Variants in PEBP4 observed in about 807,000 individuals in gnomAD.
PEBP4 encodes phosphatidylethanolamine-binding protein 4.
In PEBP4, 22 loss-of-function variants were observed where a neutral mutation model predicts 23.9. That is an observed-to-expected ratio of 0.92 (90% CI 0.66 to 1.31). The LOEUF (loss-of-function observed/expected upper bound fraction) is 1.31. Ranked by LOEUF, PEBP4 falls within the 40% of genes most tolerant of loss-of-function variation. PEBP4 has a pLI of 0.00. For synonymous variants in PEBP4, 112 were observed against 99.3 expected (o/e 1.13, Z -0.76); for missense variants, 324 against 281.7 (o/e 1.15, Z -1.07).
In PEBP4 at chr8:22,795,143, G is replaced by GTGTGTA. The variant is rs1268855798; in HGVS notation, c.357+22493_357+22494insTACACA. 5.4e-4 allele frequency among the ~76,000 whole-genome samples: 27 copies of GTGTGTA among 49,908 alleles called. 1 individual carries two copies. The highest frequency in any genetic ancestry group is 2.2e-3 in the African/African-American group (25 of 11,270). 32.7% of individuals were successfully genotyped at this position (49,908 alleles called of 152,430 possible). A position where few individuals can be genotyped will look rare whatever the true frequency, so the allele number is the denominator to read the frequency against. ...TATGTGTGTATATATATGTGTGTGTGTATATATATATATATATATATTTTT... is the reference window on the plus strand; with the variant it reads ...TATGTGTGTATATATATGTGTGTGTGTGTGTATATATATATATATATATATATTTTT... On this transcript the variant is annotated intron_variant, in intron 4 of 6. Transcript: ENST00000256404.
intron 6 of PEBP4, among the ~76,000 whole-genome samples, chr8:22,723,345 G>A (rs146107425): frequency 1.6e-4 from 25 of 152,238 alleles, no homozygotes; most frequent in East Asian, 3.9e-4. Context: ...GTAGGGAAGC[G>A]TCTTTGGTGT....
At chr8:22,730,400 G>C (rs150425881) in intron 4 of PEBP4, among the ~76,000 whole-genome samples, 4 of 152,220 alleles carry the variant, frequency 2.6e-5, no homozygotes, top group Non-Finnish European at 4.4e-5. Flanking sequence ...AATTATCTGG[G>C]CATGATGGCC....
At chr8:22,726,280 T>C (rs766582131) in intron 5 of PEBP4, among the ~76,000 whole-genome samples, 1 of 152,138 alleles carries the variant, frequency 6.6e-6, no homozygotes, top group East Asian at 1.9e-4. Flanking sequence ...TGCTTAGGTA[T>C]GGAGGGCAGA....
intron 4 of PEBP4, among the ~76,000 whole-genome samples, chr8:22,728,443 C>G (rs1423881940): frequency 6.6e-6 from 1 of 152,082 alleles, no homozygotes; most frequent in African/African-American, 2.4e-5. Context: ...TAGACCCTTC[C>G]CCCACGAGCC....
intron 3 of PEBP4, among the ~76,000 whole-genome samples, chr8:22,849,132 C>T (rs556699437): frequency 1.3e-5 from 2 of 152,156 alleles, no homozygotes; most frequent in Non-Finnish European, 2.9e-5. Flanking sequence ...GGTAAGGTCA[C>T]ATAATGAAAT....
chr8:22,776,487 G>A (rs1182957584), intron 4 of PEBP4, among the ~76,000 whole-genome samples: 2 of 151,904 alleles, frequency 1.3e-5, no homozygotes, highest in Admixed American at 6.6e-5. Flanking sequence ...TCCTGGTTAC[G>A]CCATCGGTCT....
intron 4 of PEBP4, among the ~76,000 whole-genome samples, chr8:22,779,437 C>T (rs1585268033): frequency 1.3e-5 from 2 of 152,044 alleles, no homozygotes; most frequent in South Asian, 2.1e-4. Context: ...TTTTTTATGG[C>T]GTCACGGAGG....
intron 3 of PEBP4, among the ~76,000 whole-genome samples, chr8:22,890,699 G>A (rs1228738974): frequency 1.3e-5 from 2 of 152,192 alleles, no homozygotes; most frequent in African/African-American, 2.4e-5. Context: ...CACAGAGTTT[G>A]GAATTAGACA....
chr8:22,915,423 C>A (rs1293069460), intron 3 of PEBP4, among the ~76,000 whole-genome samples: 1 of 150,896 alleles, frequency 6.6e-6, no homozygotes, highest in Non-Finnish European at 1.5e-5. Flanking sequence ...TCATCCCTCA[C>A]CTCACCATCC....
At chr8:22,903,145 C>T (rs764016306) in intron 3 of PEBP4, among the ~76,000 whole-genome samples, 11 of 152,088 alleles carry the variant, frequency 7.2e-5, no homozygotes, top group Non-Finnish European at 1.0e-4. Context: ...CCGGAAACCG[C>T]GAAATGTTGA....
intron 3 of PEBP4, among the ~76,000 whole-genome samples, chr8:22,874,677 CAA>C (rs1170739862): frequency 6.6e-6 from 1 of 152,148 alleles, no homozygotes; most frequent in Non-Finnish European, 1.5e-5. Context: ...TCAATTGTGG[CAA>C]AGTGCGACAA....
intron 3 of PEBP4, among the ~76,000 whole-genome samples, chr8:22,853,582 G>A (rs1807587643): frequency 6.6e-6 from 1 of 152,228 alleles, no homozygotes; most frequent in Non-Finnish European, 1.5e-5. Context: ...GGAATAGAGG[G>A]AACCAGGGCT....
At position 22,817,545 on chromosome 8, in the gene PEBP4, A is replaced by G. The variant is rs190118766; in HGVS notation, c.357+92T>C. On this transcript the variant is annotated intron_variant, in intron 4 of 6. Coordinates refer to ENST00000256404, the MANE Select transcript of PEBP4 (RefSeq NM_144962.3). ...ATGGGACACAGAAGTCCTCGCTCCA[A>G]CCTTCCTGGATGAGAGGTGGGAACT... is the stretch of plus-strand genomic sequence containing the variant. 1.8e-5 allele frequency: 23 copies of G among 1,243,822 alleles called. No individual in the cohort carries two copies. In the African/African-American group the frequency reaches 2.2e-4, roughly 12 times the overall value. The allele number at this position is 1,243,822 out of a possible 1,614,324, so 77.0% of individuals were successfully genotyped here. A position where few individuals can be genotyped will look rare whatever the true frequency, so the allele number is the denominator to read the frequency against.
At chr8:22,917,789 C>A (rs760470657) in intron 3 of PEBP4, among the ~76,000 whole-genome samples, 1 of 152,208 alleles carries the variant, frequency 6.6e-6, no homozygotes, top group Non-Finnish European at 1.5e-5. Context: ...AAGACCAAAG[C>A]GAGACCAATC....
intron 6 of PEBP4, among the ~76,000 whole-genome samples, chr8:22,722,496 A>G (rs911535505): frequency 1.3e-5 from 2 of 152,250 alleles, no homozygotes; most frequent in African/African-American, 4.8e-5. Context: ...TCTGGAGGGA[A>G]AGGTATGACA....
chr8:22,832,404 A>G (rs967608425), intron 3 of PEBP4, among the ~76,000 whole-genome samples: 2 of 152,198 alleles, frequency 1.3e-5, no homozygotes, highest in Non-Finnish European at 2.9e-5. Flanking sequence ...ACAAAGCAGC[A>G]AGCAGGCCCT....
At chr8:22,728,559 T>TCTTCCTTTCTTCCTTCCTTCCTTCCTTC (rs1804667597) in intron 4 of PEBP4, among the ~76,000 whole-genome samples, 1 of 96,316 alleles carries the variant, frequency 1.0e-5, no homozygotes, top group African/African-American at 4.6e-5. Context: ...TTTCTTTCTT[T>TCTTCCTTTCTTCCTTCCTTCCTTCCTTC]CTTCCTTCCT....
chr8:22,752,579 G>A (rs965832010), intron 4 of PEBP4, among the ~76,000 whole-genome samples: 35 of 152,282 alleles, frequency 2.3e-4, no homozygotes, highest in African/African-American at 7.7e-4. Context: ...GGAGAGTGGG[G>A]TGAACTAGAA....
chr8:22,912,882 C>G (rs1278420771), intron 3 of PEBP4, among the ~76,000 whole-genome samples: 2 of 152,182 alleles, frequency 1.3e-5, no homozygotes, highest in East Asian at 3.9e-4. Flanking sequence ...CTGATTCGTC[C>G]TTGCCTGGGT....
Sources: allele counts gnomAD v4.1 joint callset (sites outside exome capture counted in the v4.1 genomes callset), GRCh38; gene constraint gnomAD v4.1.1; transcripts MANE v1.5; gene names NCBI Gene and HGNC (gene_info 2026-07-23, HGNC 2026-07-21).